Variants in SPTBN4 observed in about 807,000 individuals in gnomAD.
The protein encoded by SPTBN4 is spectrin beta, non-erythrocytic 4.
In SPTBN4, 96 loss-of-function variants were observed where a neutral mutation model predicts 277.8. The observed-to-expected ratio is 0.35, with a 90% CI of 0.29 to 0.41. The LOEUF (loss-of-function observed/expected upper bound fraction) is 0.41. SPTBN4 is among the 10% of genes least tolerant of loss of function. The pLI is 1.00. For missense variants in SPTBN4, 3,006 were observed against 3,595.7 expected (o/e 0.84, Z 4.19); for synonymous variants, 1,481 against 1,580.3 (o/e 0.94, Z 1.49).
intron 15 of SPTBN4, among the ~76,000 whole-genome samples, chr19:40,517,533 T>A (rs1248252338): frequency 6.6e-6 from 1 of 152,152 alleles, no homozygotes; most frequent in Non-Finnish European, 1.5e-5. Context: ...TGGGCTCAAG[T>A]GATCTTCTGC....
intron 26 of SPTBN4, among the ~76,000 whole-genome samples, chr19:40,559,860 G>A (rs937613053): frequency 3.3e-5 from 5 of 152,226 alleles, no homozygotes; most frequent in Admixed American, 2.6e-4. Context: ...TTTCCTGAAA[G>A]ACCCAAGGTA....
At chr19:40,505,046 G>A (rs1384358831) in intron 12 of SPTBN4, among the ~76,000 whole-genome samples, 1 of 151,254 alleles carries the variant, frequency 6.6e-6, no homozygotes, top group Non-Finnish European at 1.5e-5. Flanking sequence ...CAATTTAAGA[G>A]AGAGAGAGAG....
At chr19:40,574,365 C>T (rs1357784745) in intron 35 of SPTBN4, among the ~76,000 whole-genome samples, 4 of 141,912 alleles carry the variant, frequency 2.8e-5, no homozygotes, top group East Asian at 4.1e-4. Flanking sequence ...AAGAAGTGGG[C>T]TTTTTTTTTT....
At chr19:40,478,040 A>G (rs924326170) in intron 2 of SPTBN4, among the ~76,000 whole-genome samples, 10 of 151,994 alleles carry the variant, frequency 6.6e-5, no homozygotes, top group Non-Finnish European at 1.5e-4. Flanking sequence ...GGGTTTCACC[A>G]TGTTGGCCAG....
At position 40,542,148 on chromosome 19, in the gene SPTBN4, C is replaced by G. The variant is rs373296347; in HGVS notation, c.4360-7041C>G. Among the ~76,000 whole-genome samples the G allele has an allele frequency of 2.2e-3, 328 of 152,302 alleles. 3 individuals are homozygous for G. Among genetic ancestry groups the G allele is most frequent in the African/African-American group, 7.6e-3 (318 of 41,572 alleles). ...TGTTGGCCAGGTTGGTCTTGAACTC[C>G]TGACCTCAGGTGATCTGCCTACCTT... is the stretch of plus-strand genomic sequence containing the variant. On this transcript the variant is annotated intron_variant, in intron 20 of 35. Transcript: ENST00000598249.
chr19:40,474,247 A>G lies in SPTBN4; in HGVS notation c.169+1457A>G, dbSNP rs192410828. Among the ~76,000 whole-genome samples the G allele has an allele frequency of 1.0e-3, 152 of 151,430 alleles. 1 individual carries two copies. The highest frequency in any genetic ancestry group is 3.6e-3 in the African/African-American group (147 of 41,334). On this transcript the variant is annotated intron_variant, in intron 2 of 35. Coordinates refer to ENST00000598249, the MANE Select transcript of SPTBN4 (RefSeq NM_020971.3). The stretch of plus-strand genomic sequence containing the variant: ...ATTTTAGTCATTGTTCCCTAGGATC[A>G]TAGGCCCTTAGAAACTGAAACTGTA...
rs182964800 is a variant in SPTBN4 at position 40,479,598 on chromosome 19, A to G, written c.169+6808A>G. 3.4e-3 allele frequency among the ~76,000 whole-genome samples: 507 copies of G among 150,906 alleles called. 4 individuals are homozygous for G. Among genetic ancestry groups the G allele is most frequent in the African/African-American group, 0.011 (463 of 40,936 alleles). On this transcript the variant is annotated intron_variant, in intron 2 of 35. Coordinates refer to ENST00000598249, the MANE Select transcript of SPTBN4 (RefSeq NM_020971.3). ...TTGGGAAGCCACTGCTTCTGACCCC[A>G]TTCAGATAGTTTTTAATGTGAATCT...
rs1488483898 is a variant in SPTBN4, at chr19:40,566,336, A to T, written c.6313A>T (p.Ser2105Cys). The change falls in exon 30 of 36, where the codon AGC becomes TGC. Residue 2105 changes from serine (S) to cysteine (C), a missense_variant. Physicochemically the swap from Ser to Cys is moderately radical, Grantham distance 112. Coordinates refer to ENST00000598249, the MANE Select transcript of SPTBN4 (RefSeq NM_020971.3). ...GGCTGCAGCCTGGGAAGAGAGGTTC[A>T]GCTCTCTGCGGCGCCTGACCACGGT... ...KAAAAWEERF[S>C]SLRRLTTIEK... is the part of the protein sequence containing the mutation. 6.3e-7 allele frequency: 1 copy of T among 1,580,834 alleles called. No individual in the cohort carries two copies. Among genetic ancestry groups the T allele is most frequent in the Admixed American group, 1.8e-5 (1 of 55,876 alleles).
intron 30 of SPTBN4, among the ~76,000 whole-genome samples, chr19:40,566,737 G>GGT (rs1231231949): frequency 1.3e-5 from 2 of 152,128 alleles, no homozygotes; most frequent in Non-Finnish European, 2.9e-5. Flanking sequence ...GACCAAGATG[G>GGT]GTGGATCACT....
rs990841782 is a variant in SPTBN4, at chr19:40,520,168, T to C, written c.3654+17T>C. ...CGTAACCAGGTGCCCACTCGGGGTGTACATTTCGGAGAGGGAGAGTCCGAG... is the reference window on the plus strand; with the variant it reads ...CGTAACCAGGTGCCCACTCGGGGTGCACATTTCGGAGAGGGAGAGTCCGAG... On this transcript the variant is annotated intron_variant, in intron 16 of 35. Transcript: ENST00000598249. 8.1e-6 allele frequency: 11 copies of C among 1,354,680 alleles called. No homozygotes were observed. The highest frequency in any genetic ancestry group is 1.6e-5 in the African/African-American group (1 of 63,848). 83.9% of individuals were successfully genotyped at this position (1,354,680 alleles called of 1,614,324 possible).
intron 35 of SPTBN4, 68 bp downstream of exon 35, chr19:40,572,448 CAG>C: frequency 6.3e-7 from 1 of 1,580,746 alleles, no homozygotes; most frequent in Non-Finnish European, 8.7e-7. Context: ...GCTCCTGACC[CAG>C]AGTGATGGGG....
At chr19:40,526,167 CTTTTT>C (rs1168105162) in intron 17 of SPTBN4, among the ~76,000 whole-genome samples, 3 of 93,156 alleles carry the variant, frequency 3.2e-5, no homozygotes, top group South Asian at 3.6e-4. Context: ...AGGTGCTGTT[CTTTTT>C]TTTTTTTTTT....
rs1200592638 is a variant in SPTBN4, at chr19:40,472,704, C to T, written c.83C>T (p.Pro28Leu). 6 of 1,612,836 alleles carry T rather than the reference C, an allele frequency of 3.7e-6. No homozygotes were observed. The highest frequency in any genetic ancestry group is 2.2e-5 in the East Asian group (1 of 44,876). The change falls in exon 2 of 36, where the codon CCG (proline) becomes CTG (leucine). Residue 28 changes from proline to leucine, a missense_variant. Physicochemically the swap from Pro to Leu is moderately conservative, Grantham distance 98. Around this residue, in one of 5 missense-constraint regions of SPTBN4, gnomAD observed 78 missense variants for 65.7 expected, o/e 1.19. Transcript: ENST00000598249. Reference sequence around the variant, plus strand: ...AACCCTGCTGCCCGCTGGGAGAGTCCGGATCGGGGCTGGGAGCGGGAGCAG... The same window carrying T: ...AACCCTGCTGCCCGCTGGGAGAGTCTGGATCGGGGCTGGGAGCGGGAGCAG... ...NNNPAARWES[P>L]DRGWEREQPA... is the part of the protein sequence containing the mutation.
At chr19:40,549,151 G>C (rs1386118455) in intron 20 of SPTBN4, 38 bp from the exon 21 acceptor site, 1 of 1,496,282 alleles carries the variant, frequency 6.7e-7, no homozygotes, top group South Asian at 1.2e-5. Flanking sequence ...GATCAGGAGG[G>C]CGGGTGGGGC....
chr19:40,545,062 C>CT (rs1013543763), intron 20 of SPTBN4, among the ~76,000 whole-genome samples: 5 of 151,276 alleles, frequency 3.3e-5, no homozygotes, highest in East Asian at 3.9e-4. Context: ...GCCAGTATTT[C>CT]TTTTTTTTCT....
At chr19:40,529,235 C>T (rs779215994) in intron 18 of SPTBN4, 104 bp downstream of exon 18, 15 of 1,117,422 alleles carry the variant, frequency 1.3e-5, no homozygotes, top group Middle Eastern at 4.7e-4. Context: ...AAGTGGGTCG[C>T]GGAGCGATGC....
intron 2 of SPTBN4, among the ~76,000 whole-genome samples, chr19:40,480,792 G>A (rs1451934550): frequency 2.0e-5 from 3 of 152,162 alleles, no homozygotes; most frequent in Non-Finnish European, 4.4e-5. Flanking sequence ...GCCAGGTGTG[G>A]TGGCTCATGC....
chr19:40,543,153 C>T (rs143075469), intron 20 of SPTBN4, among the ~76,000 whole-genome samples: 2 of 151,982 alleles, frequency 1.3e-5, no homozygotes, highest in African/African-American at 2.4e-5. Flanking sequence ...ATTTTCCTGG[C>T]GAAAATGGGG....
In SPTBN4 at chr19:40,502,108, C is replaced by G. The variant is rs1169173582; in HGVS notation, c.898-20C>G. ...GGCACGGGTGGGATGAGGCTGACCC[C>G]CCTTCCTCTGCTGTGTCAGGTCTTG... On this transcript the variant is annotated intron_variant, in intron 8 of 35. Coordinates refer to ENST00000598249, the MANE Select transcript of SPTBN4 (RefSeq NM_020971.3). The surrounding 1 kb of genome is among the most constrained non-coding windows in gnomAD (Gnocchi z 4.9). 6.2e-7 allele frequency: 1 copy of G among 1,613,246 alleles called. No individual in the cohort carries two copies. Among genetic ancestry groups the G allele is most frequent in the Non-Finnish European group, 8.5e-7 (1 of 1,179,670 alleles).
Sources: gnomAD v4.1 joint callset for allele counts (sites outside exome capture counted in the v4.1 genomes callset) on GRCh38, gnomAD v4.1.1 for gene constraint, gnomAD v4.1.1 regional missense constraint, Gnocchi (gnomAD v3.1) non-coding constraint, MANE v1.5 for transcripts, NCBI Gene and HGNC (gene_info 2026-07-23, HGNC 2026-07-21) for gene names.